TMEM254: variants seen among roughly 807,000 people sequenced by gnomAD.
The protein encoded by TMEM254 is transmembrane protein 254.
Under a neutral mutation model 13.9 loss-of-function variants are expected in TMEM254, and 16 were observed. The ratio of observed to expected loss-of-function variants is 1.15; its 90% CI spans 0.78 to 1.75. TMEM254 has a LOEUF of 1.75. Ranked by LOEUF, TMEM254 falls within the 40% of genes most tolerant of loss-of-function variation. The probability of loss-of-function intolerance (pLI) is 0.00; values close to 1 mark genes in which losing one functional copy is unlikely to be tolerated. For missense variants in TMEM254, 155 were observed against 149.0 expected (o/e 1.04, Z -0.21); for synonymous variants, 61 against 56.4 (o/e 1.08, Z -0.36).
chr10:80,089,394 A>T (rs1844466446), intron 3 of TMEM254, among the ~76,000 whole-genome samples: 2 of 152,170 alleles, frequency 1.3e-5, no homozygotes, highest in Admixed American at 6.5e-5. Flanking sequence ...TTGGATGTGG[A>T]TGCAGGTGGC....
intron 1 of TMEM254, among the ~76,000 whole-genome samples, chr10:80,080,316 A>G (rs1164511805): frequency 6.6e-6 from 1 of 152,238 alleles, no homozygotes; most frequent in Non-Finnish European, 1.5e-5. Context: ...TTTGAATGGG[A>G]CAATACATTT....
At position 80,084,952 on chromosome 10, in the gene TMEM254, A is replaced by G. The variant is rs762157566; in HGVS notation, c.251+2748A>G. Among the ~76,000 whole-genome samples, 6 of 152,028 alleles carry G rather than the reference A, an allele frequency of 3.9e-5. No individual in the cohort carries two copies. The South Asian group carries it at 1.0e-3, about 26-fold the overall frequency. ...GCGATTGTCTGGCCTCAGCCTCCCA[A>G]GTAGCTGAGATTACAGGCGCCCGCC... On this transcript the variant is annotated intron_variant, in intron 3 of 3. Transcript: ENST00000372281.
At chr10:80,079,627 AAG>A (rs766897604) in intron 1 of TMEM254, 10 of 986,740 alleles carry the variant, frequency 1.0e-5, no homozygotes, top group African/African-American at 3.5e-5. Flanking sequence ...TACCTAGAAA[AAG>A]AGCGACGTTT....
chr10:80,078,688 G>A lies in TMEM254; in HGVS notation c.-12G>A, dbSNP rs1459435212. On this transcript the variant is annotated 5_prime_UTR_variant, in exon 1 of 4. Transcript: ENST00000372281. Reference sequence around the variant, plus strand: ...GTGTCCTGAAGCGCGCTCCCGGGGAGGTGTTGCAGCCATGGCTACGGCAGC... The same window carrying A: ...GTGTCCTGAAGCGCGCTCCCGGGGAAGTGTTGCAGCCATGGCTACGGCAGC... 1.9e-6 allele frequency: 3 copies of A among 1,592,642 alleles called. No individual in the cohort carries two copies. In the African/African-American group the frequency reaches 4.0e-5, roughly 21 times the overall value.
intron 3 of TMEM254, among the ~76,000 whole-genome samples, chr10:80,084,169 G>C (rs1844196422): frequency 6.6e-6 from 1 of 152,132 alleles, no homozygotes. Flanking sequence ...TGCATATCCA[G>C]TATTGGCTCT....
chr10:80,091,374 T>G lies in TMEM254; in HGVS notation c.*457T>G, dbSNP rs1371848742. On this transcript the variant is annotated 3_prime_UTR_variant, in exon 4 of 4. Coordinates refer to ENST00000372281, the MANE Select transcript of TMEM254 (RefSeq NM_025125.4). ...GATAAAGTGACACTTCCACTATATG[T>G]CAATTCCACACACATTTATTAGGTA... 1 of 153,182 alleles carries G rather than the reference T, an allele frequency of 6.5e-6. No homozygotes were observed. The highest frequency in any genetic ancestry group is 1.5e-5 in the Non-Finnish European group (1 of 68,734). The allele number at this position is 153,182 out of a possible 1,614,324, so 9.5% of individuals were successfully genotyped here.
intron 1 of TMEM254, chr10:80,079,558 A>AG (rs1224996122): frequency 9.9e-7 from 1 of 1,007,814 alleles, no homozygotes; most frequent in Non-Finnish European, 1.2e-6. Flanking sequence ...TTAAGTGGTA[A>AG]GGGAGGATAA....
In TMEM254 at chr10:80,090,993, A is replaced by G; in HGVS notation, c.*76A>G. The G allele has an allele frequency of 1.9e-6, 3 of 1,545,158 alleles. No individual in the cohort carries two copies. Among genetic ancestry groups the G allele is most frequent in the East Asian group, 4.6e-5 (2 of 43,844 alleles). On this transcript the variant is annotated 3_prime_UTR_variant, in exon 4 of 4. Coordinates refer to ENST00000372281, the MANE Select transcript of TMEM254 (RefSeq NM_025125.4). Reference sequence around the variant, plus strand: ...TTTGTGGGGTAGAGGAGGTGCAGTAATTTACTCAGTGATCTTTCTACTTTC... The same window carrying G: ...TTTGTGGGGTAGAGGAGGTGCAGTAGTTTACTCAGTGATCTTTCTACTTTC...
At chr10:80,084,493 G>C (rs533222433) in intron 3 of TMEM254, among the ~76,000 whole-genome samples, 16 of 152,286 alleles carry the variant, frequency 1.1e-4, no homozygotes, top group African/African-American at 3.6e-4. Context: ...AGTTATCAGT[G>C]TGGCGGTGCT....
At chr10:80,080,516 C>T (rs573529015) in intron 1 of TMEM254, among the ~76,000 whole-genome samples, 1 of 152,220 alleles carries the variant, frequency 6.6e-6, no homozygotes, top group South Asian at 2.1e-4. Context: ...AAGGGAAAGC[C>T]GAGAAAGGAA....
chr10:80,079,158 A>G, intron 1 of TMEM254: 1 of 1,308,882 alleles, frequency 7.6e-7, no homozygotes, highest in Non-Finnish European at 1.0e-6. Context: ...CTCTCTGGTC[A>G]CAGTCCTGGG....
intron 3 of TMEM254, chr10:80,090,434 A>C: frequency 1.4e-6 from 1 of 717,550 alleles, no homozygotes; most frequent in South Asian, 1.5e-5. Context: ...CACAGCTGGT[A>C]GGTAGCCACG....
chr10:80,085,407 GA>G (rs964455740), intron 3 of TMEM254, among the ~76,000 whole-genome samples: 6 of 149,130 alleles, frequency 4.0e-5, no homozygotes, highest in Admixed American at 1.3e-4. Context: ...CTAAAAATAT[GA>G]AAAAAAAAAT....
chr10:80,081,175 C>T (rs765373991), intron 1 of TMEM254, among the ~76,000 whole-genome samples: 9 of 152,056 alleles, frequency 5.9e-5, no homozygotes, highest in Non-Finnish European at 1.2e-4. Context: ...CGCTTGAGCC[C>T]GGGAAGTCAA....
At chr10:80,081,400 G>A (rs1199119822) in intron 1 of TMEM254, among the ~76,000 whole-genome samples, 1 of 151,886 alleles carries the variant, frequency 6.6e-6, no homozygotes, top group East Asian at 1.9e-4. Context: ...GGCACAGTAG[G>A]TCATGCCTGT....
intron 3 of TMEM254, among the ~76,000 whole-genome samples, chr10:80,087,541 T>C (rs1844376094): frequency 6.6e-6 from 1 of 151,318 alleles, no homozygotes; most frequent in Non-Finnish European, 1.5e-5. Context: ...TAATCCCAGC[T>C]ACTCAGGAGG....
At chr10:80,087,671 A>C (rs1647037739) in intron 3 of TMEM254, among the ~76,000 whole-genome samples, 1 of 152,102 alleles carries the variant, frequency 6.6e-6, no homozygotes, top group African/African-American at 2.4e-5. Flanking sequence ...ACGAATGACT[A>C]CTTTAAATTA....
At chr10:80,080,184 G>T (rs1044790590) in intron 1 of TMEM254, among the ~76,000 whole-genome samples, 1 of 152,212 alleles carries the variant, frequency 6.6e-6, no homozygotes, top group Non-Finnish European at 1.5e-5. Context: ...TTGGGATCTT[G>T]TGGAGCTGGC....
intron 1 of TMEM254, chr10:80,081,504 A>G (rs1844019770): frequency 1.6e-6 from 1 of 616,540 alleles, no homozygotes; most frequent in Admixed American, 3.0e-5. Flanking sequence ...CCATCTCTAT[A>G]TACAATTTTT....
Sources: allele counts gnomAD v4.1 joint callset (sites outside exome capture counted in the v4.1 genomes callset), GRCh38; gene constraint gnomAD v4.1.1; transcripts MANE v1.5; gene names NCBI Gene and HGNC (gene_info 2026-07-23, HGNC 2026-07-21).